ACOT11: variants seen among roughly 807,000 people sequenced by gnomAD.
The protein encoded by ACOT11 is acyl-CoA thioesterase 11.
A neutral mutation model predicts 77.5 loss-of-function variants in ACOT11; 69 were observed. The observed-to-expected ratio is 0.89, with a 90% CI of 0.73 to 1.09. ACOT11 has a LOEUF of 1.09. Among genes scored for constraint, ACOT11 ranks in the 50% least tolerant of loss-of-function variants. The pLI, the probability that ACOT11 is intolerant of heterozygous loss-of-function variation, is 0.00. For missense variants in ACOT11, 766 were observed against 813.7 expected, an observed-to-expected ratio of 0.94 and a Z score of 0.71; for synonymous variants, 279 against 313.0, an observed-to-expected ratio of 0.89 and a Z score of 1.15.
rs1653182917 is a variant in ACOT11, at chr1:54,554,347, ATATATTT to A, written c.33+6007_33+6013del. Among the ~76,000 whole-genome samples the A allele has an allele frequency of 1.2e-4, 12 of 98,414 alleles. No individual in the cohort carries two copies. The South Asian group carries it at 4.1e-3, about 33-fold the overall frequency. The allele number at this position is 98,414 out of a possible 152,430, so 64.6% of individuals were successfully genotyped here. ...TGTGTGTGTGTGTATATATATATATATATATTTTTTTTTTTTTTTTTTGAGATGGAGT... is the reference window on the plus strand; with the variant it reads ...TGTGTGTGTGTGTATATATATATATATTTTTTTTTTTTTTTGAGATGGAGT... On this transcript the variant is annotated intron_variant, in intron 1 of 15. Transcript: ENST00000343744.
At position 54,609,139 on chromosome 1, in the gene ACOT11, A is replaced by AC; in HGVS notation, c.*28dup. 2 of 1,613,456 alleles carry AC rather than the reference A, an allele frequency of 1.2e-6. No homozygotes were observed. Among genetic ancestry groups the AC allele is most frequent in the Non-Finnish European group, 1.7e-6 (2 of 1,179,704 alleles). On this transcript the variant is annotated 3_prime_UTR_variant, in exon 16 of 16. Transcript: ENST00000343744. ...TGCCCTCAGTGGCCACATCATGCCC[A>AC]CTCCCACTCCATCCTGTCCCCAAGG...
downstream of ACOT11, among the ~76,000 whole-genome samples, chr1:54,613,467 C>T (rs948362625): frequency 3.3e-5 from 5 of 151,146 alleles, no homozygotes; most frequent in African/African-American, 1.2e-4. Flanking sequence ...TCTCTCTTTT[C>T]TTTCTATACG....
In ACOT11 at chr1:54,607,436, G is replaced by T. The variant is rs1644040898; in HGVS notation, c.1502+171G>T. On this transcript the variant is annotated intron_variant, in intron 14 of 15. Transcript: ENST00000343744. The surrounding 1 kb of genome is among the most constrained non-coding windows in gnomAD (Gnocchi z 4.5). The stretch of plus-strand genomic sequence containing the variant: ...CTGGGCTGCTGTGGCTTTACTATGG[G>T]TAAAATGAGGGATAGGGGCACACAT... Among the ~76,000 whole-genome samples, 1 of 152,112 alleles carries T rather than the reference G, an allele frequency of 6.6e-6. No homozygotes were observed. The highest frequency in any genetic ancestry group is 2.4e-5 in the African/African-American group (1 of 41,398).
At chr1:54,579,061 G>C (rs574184474) in intron 1 of ACOT11, among the ~76,000 whole-genome samples, 24 of 152,190 alleles carry the variant, frequency 1.6e-4, no homozygotes, top group Non-Finnish European at 2.8e-4. Flanking sequence ...ATGTTTGATA[G>C]GACATTGGGA....
chr1:54,609,104 A>C lies in ACOT11; in HGVS notation c.1777A>C (p.Thr593Pro), dbSNP rs200141925. ...GAATGATCTGGCCCCCAGCCTCCAG[A>C]CCCTCTAGATGCCCTCAGTGGCCAC... is the stretch of plus-strand genomic sequence containing the variant. ...NRNDLAPSLQTL is the reference protein window; with the variant it reads ...NRNDLAPSLQPL The change falls in exon 16 of 16, where the codon ACC becomes CCC. Residue 593 changes from threonine to proline, a missense_variant. Coordinates refer to ENST00000343744, the MANE Select transcript of ACOT11 (RefSeq NM_147161.4). 21 of 1,613,698 alleles carry C rather than the reference A, an allele frequency of 1.3e-5. No individual in the cohort carries two copies. The highest frequency in any genetic ancestry group is 3.3e-4 in the Middle Eastern group (2 of 6,080).
Position 54,610,296 on chromosome 1 carries a change from G to T in ACOT11, c.*1184G>T, listed in dbSNP as rs551035721. 90 of 1,525,822 alleles carry T rather than the reference G, an allele frequency of 5.9e-5. 1 individual carries two copies. The South Asian group carries it at 1.1e-3, about 19-fold the overall frequency. The allele number at this position is 1,525,822 out of a possible 1,614,324, so 94.5% of individuals were successfully genotyped here. A position where few individuals can be genotyped will look rare whatever the true frequency, so the allele number is the denominator to read the frequency against. On this transcript the variant is annotated 3_prime_UTR_variant, in exon 16 of 16. Coordinates refer to ENST00000343744, the MANE Select transcript of ACOT11 (RefSeq NM_147161.4). ...AACCCTGCCCCACCTTGCATCCAGG[G>T]TATGGTGTAAATAAACCTGTGTTGC... is the stretch of plus-strand genomic sequence containing the variant.
chr1:54,610,122 G>A lies in ACOT11; in HGVS notation c.*1010G>A, dbSNP rs1234289791. On this transcript the variant is annotated 3_prime_UTR_variant, in exon 16 of 16. Transcript: ENST00000343744. Reference sequence around the variant, plus strand: ...TGCTTTATAAATGTGCCTGGTGCATGAGAAACTCTTGTTTCAGCTCTTGGC... The same window carrying A: ...TGCTTTATAAATGTGCCTGGTGCATAAGAAACTCTTGTTTCAGCTCTTGGC... 1.4e-5 allele frequency: 20 copies of A among 1,434,172 alleles called. No individual in the cohort carries two copies. In the South Asian group the frequency reaches 3.0e-4, roughly 22 times the overall value. The allele number at this position is 1,434,172 out of a possible 1,614,324, so 88.8% of individuals were successfully genotyped here.
chr1:54,615,790 G>A (rs777560598), intron 15 of ACOT11, among the ~76,000 whole-genome samples: 4 of 152,110 alleles, frequency 2.6e-5, no homozygotes, highest in African/African-American at 7.2e-5. Context: ...CTGTACTGCC[G>A]GCTGTCTCCC....
chr1:54,599,137 A>C (rs1643922180), intron 7 of ACOT11, among the ~76,000 whole-genome samples, 159 bp from the exon 8 acceptor site: 1 of 106,568 alleles, frequency 9.4e-6, no homozygotes, highest in African/African-American at 3.6e-5. Context: ...CAAGAGTGAA[A>C]CTCTGTCTCA....
Position 54,609,049 on chromosome 1 carries a change from G to A in ACOT11, c.1722G>A (p.Lys574=), listed in dbSNP as rs776231389. The A allele has an allele frequency of 1.9e-6, 3 of 1,614,136 alleles. No individual in the cohort carries two copies. Among genetic ancestry groups the A allele is most frequent in the South Asian group, 2.2e-5 (2 of 91,082 alleles). ...GLSSEFYTTF[K]ACEQFLLDNR... ...CCTCTGAGTTCTACACCACCTTCAAGGCTTGTGAGCAGTTTCTCTTGGACA... is the reference window on the plus strand; with the variant it reads ...CCTCTGAGTTCTACACCACCTTCAAAGCTTGTGAGCAGTTTCTCTTGGACA... Residue 574 remains lysine, a synonymous_variant, in exon 16 of 16, where the codon AAG becomes AAA. Coordinates refer to ENST00000343744, the MANE Select transcript of ACOT11 (RefSeq NM_147161.4).
chr1:54,580,192 C>A (rs540104276), intron 1 of ACOT11, among the ~76,000 whole-genome samples: 1 of 152,108 alleles, frequency 6.6e-6, no homozygotes, highest in Non-Finnish European at 1.5e-5. Flanking sequence ...GGACTTGAAC[C>A]CAAGCTAGGC....
intron 1 of ACOT11, among the ~76,000 whole-genome samples, chr1:54,569,204 C>T (rs909262933): frequency 1.3e-5 from 2 of 151,748 alleles, no homozygotes; most frequent in African/African-American, 2.4e-5. Flanking sequence ...TCAAGCAATC[C>T]TCCTGCCTCA....
At chr1:54,568,433 C>G (rs192663844) in intron 1 of ACOT11, among the ~76,000 whole-genome samples, 3 of 141,432 alleles carry the variant, frequency 2.1e-5, no homozygotes, top group African/African-American at 8.4e-5. Flanking sequence ...GGTGCGACCT[C>G]GGCTCACTGC....
intron 15 of ACOT11, among the ~76,000 whole-genome samples, chr1:54,620,845 C>CAAAAAAAAAAAAAAAAA (rs767625864): frequency 8.3e-5 from 1 of 12,118 alleles, no homozygotes; most frequent in Non-Finnish European, 1.5e-4. Flanking sequence ...GAGACTCTGT[C>CAAAAAAAAAAAAAAAAA]AAAAAAAAAA....
downstream of ACOT11, chr1:54,611,653 T>C (rs1179117197): frequency 1.2e-6 from 2 of 1,614,060 alleles, no homozygotes; most frequent in Non-Finnish European, 1.7e-6. Flanking sequence ...GATGTCATAG[T>C]AGACTTGGTG....
chr1:54,555,061 T>C (rs1463609853), intron 1 of ACOT11, among the ~76,000 whole-genome samples: 1 of 152,116 alleles, frequency 6.6e-6, no homozygotes, highest in Non-Finnish European at 1.5e-5. Context: ...CGGGTTCAAG[T>C]GATTCTCCTG....
At chr1:54,603,047 G>T (rs533295990) in intron 10 of ACOT11, among the ~76,000 whole-genome samples, 10 of 152,344 alleles carry the variant, frequency 6.6e-5, no homozygotes, top group African/African-American at 1.4e-4. Context: ...GGCAGATGAA[G>T]AAACGTTCAG....
chr1:54,604,942 C>A, intron 12 of ACOT11, 134 bp from the exon 13 acceptor site: 1 of 937,902 alleles, frequency 1.1e-6, no homozygotes, highest in Non-Finnish European at 1.6e-6. Flanking sequence ...AGCTGAGACT[C>A]AGAGAGGTTG....
intron 1 of ACOT11, among the ~76,000 whole-genome samples, chr1:54,581,601 G>A (rs1254354170): frequency 6.6e-6 from 1 of 152,174 alleles, no homozygotes; most frequent in African/African-American, 2.4e-5. Context: ...GTCTGGCCAG[G>A]TCTGCCAGGG....
Sources: gnomAD v4.1 joint callset for allele counts (sites outside exome capture counted in the v4.1 genomes callset) on GRCh38, gnomAD v4.1.1 for gene constraint, Gnocchi (gnomAD v3.1) non-coding constraint, MANE v1.5 for transcripts, NCBI Gene and HGNC (gene_info 2026-07-23, HGNC 2026-07-21) for gene names.